Variants in LDLRAD3 observed in about 807,000 individuals in gnomAD.
The protein encoded by LDLRAD3 is low density lipoprotein receptor class A domain containing 3.
A neutral mutation model predicts 29.4 loss-of-function variants in LDLRAD3; 20 were observed. The ratio of observed to expected loss-of-function variants is 0.68; its 90% CI spans 0.48 to 0.99. The LOEUF (loss-of-function observed/expected upper bound fraction) is 0.99. Among genes scored for constraint, LDLRAD3 ranks in the 50% least tolerant of loss-of-function variants. The pLI is 0.00. For missense variants in LDLRAD3, 420 were observed against 454.3 expected, an observed-to-expected ratio of 0.92 and a Z score of 0.69; for synonymous variants, 157 against 192.7, an observed-to-expected ratio of 0.81 and a Z score of 1.53.
intron 2 of LDLRAD3, among the ~76,000 whole-genome samples, chr11:36,041,157 T>C (rs1217988417): frequency 1.3e-5 from 2 of 152,190 alleles, no homozygotes; most frequent in Non-Finnish European, 2.9e-5. Flanking sequence ...AAGATAATGT[T>C]TTACAAAAAC....
rs545753457 is a variant in LDLRAD3, at chr11:36,153,018, C to G, written c.454+54557C>G. ...GTTTGTGGATGAATACTCTGAGGTC[C>G]TGCTCACCTGGGTTCCACTCCTGAA... On this transcript the variant is annotated intron_variant, in intron 4 of 5. Coordinates refer to ENST00000315571, the MANE Select transcript of LDLRAD3 (RefSeq NM_174902.4). Among the ~76,000 whole-genome samples, 3 of 152,222 alleles carry G rather than the reference C, an allele frequency of 2.0e-5. No homozygotes were observed. In the East Asian group the frequency reaches 5.8e-4, roughly 29 times the overall value.
At chr11:36,110,938 A>G (rs1410339556) in intron 4 of LDLRAD3, among the ~76,000 whole-genome samples, 1 of 152,172 alleles carries the variant, frequency 6.6e-6, no homozygotes, top group Non-Finnish European at 1.5e-5. Flanking sequence ...GGACCTGAAA[A>G]CAAACGTGGG....
chr11:36,100,335 G>A (rs1397217121), intron 4 of LDLRAD3, among the ~76,000 whole-genome samples: 2 of 152,238 alleles, frequency 1.3e-5, no homozygotes, highest in Non-Finnish European at 2.9e-5. Context: ...ACATGCCAAT[G>A]TCTTGCCAGT....
chr11:36,025,030 T>C (rs761563919), intron 1 of LDLRAD3, among the ~76,000 whole-genome samples: 6 of 152,228 alleles, frequency 3.9e-5, no homozygotes, highest in Admixed American at 6.5e-5. Context: ...GCTTCTGCCC[T>C]GCAACTGTTG....
intron 2 of LDLRAD3, among the ~76,000 whole-genome samples, chr11:36,056,498 G>A (rs1269440392): frequency 2.0e-5 from 3 of 152,142 alleles, no homozygotes; most frequent in African/African-American, 4.8e-5. Context: ...AGACATTCTG[G>A]CTTGAGTTGA....
chr11:36,214,701 C>G (rs1855328628), intron 4 of LDLRAD3, among the ~76,000 whole-genome samples: 1 of 152,196 alleles, frequency 6.6e-6, no homozygotes, highest in African/African-American at 2.4e-5. Context: ...TCAGCTCAAT[C>G]ACTTCCTGGC....
intron 1 of LDLRAD3, among the ~76,000 whole-genome samples, chr11:35,990,086 A>G (rs773999430): frequency 2.0e-5 from 3 of 152,080 alleles, no homozygotes; most frequent in Non-Finnish European, 4.4e-5. Flanking sequence ...TTTTGACATT[A>G]TGTTGAGTCT....
At chr11:36,073,304 G>A (rs72638201) in intron 2 of LDLRAD3, among the ~76,000 whole-genome samples, 3,478 of 152,280 alleles carry the variant, frequency 0.023, 83 homozygotes, top group East Asian at 0.1. Flanking sequence ...GAAAGCTGCC[G>A]CTTTGAAAAG....
At chr11:36,195,823 C>G (rs537992564) in intron 4 of LDLRAD3, among the ~76,000 whole-genome samples, 1 of 152,228 alleles carries the variant, frequency 6.6e-6, no homozygotes, top group South Asian at 2.1e-4. Context: ...ACAGGAGAGC[C>G]AGAGACATGC....
chr11:36,035,684 G>T (rs889958284), intron 1 of LDLRAD3, among the ~76,000 whole-genome samples: 2 of 152,146 alleles, frequency 1.3e-5, no homozygotes, highest in Non-Finnish European at 2.9e-5. Context: ...GATTGTAAGG[G>T]CTACAGAGTG....
chr11:36,087,308 T>C (rs929863801), intron 3 of LDLRAD3, among the ~76,000 whole-genome samples: 1 of 152,242 alleles, frequency 6.6e-6, no homozygotes, highest in African/African-American at 2.4e-5. Flanking sequence ...AAGGCATTAT[T>C]ATTTATTTTT....
Position 36,007,379 on chromosome 11 carries a change from T to C in LDLRAD3, c.47-28724T>C, listed in dbSNP as rs543874471. 1.3e-3 allele frequency among the ~76,000 whole-genome samples: 194 copies of C among 152,320 alleles called. 1 individual carries two copies. Among genetic ancestry groups the C allele is most frequent in the South Asian group, 5.8e-3 (28 of 4,824 alleles). On this transcript the variant is annotated intron_variant, in intron 1 of 5. Coordinates refer to ENST00000315571, the MANE Select transcript of LDLRAD3 (RefSeq NM_174902.4). Reference sequence around the variant, plus strand: ...TGCAATTATATCTACTGGCCGGTATTGTAGGATTGAGTAACTGGAGAGACT... The same window carrying C: ...TGCAATTATATCTACTGGCCGGTATCGTAGGATTGAGTAACTGGAGAGACT...
At chr11:35,945,556 A>G (rs992965407) in intron 1 of LDLRAD3, among the ~76,000 whole-genome samples, 25 of 152,354 alleles carry the variant, frequency 1.6e-4, no homozygotes, top group African/African-American at 5.8e-4. Flanking sequence ...GACATTGGGC[A>G]GCCAGGAGCA....
chr11:36,014,431 A>G (rs1294978765), intron 1 of LDLRAD3, among the ~76,000 whole-genome samples: 1 of 152,204 alleles, frequency 6.6e-6, no homozygotes, highest in East Asian at 1.9e-4. Flanking sequence ...TGCCCAAGGA[A>G]TGGAAGCGGC....
chr11:36,047,667 A>G (rs1251531163), intron 2 of LDLRAD3, among the ~76,000 whole-genome samples: 1 of 152,208 alleles, frequency 6.6e-6, no homozygotes, highest in Non-Finnish European at 1.5e-5. Context: ...CAAAGTGAGA[A>G]GGACCTGGCT....
chr11:36,195,745 C>T (rs1484850576), intron 4 of LDLRAD3, among the ~76,000 whole-genome samples: 1 of 152,042 alleles, frequency 6.6e-6, no homozygotes, highest in Non-Finnish European at 1.5e-5. Context: ...TCTGTGGCTC[C>T]CCTCCTCAGT....
At chr11:36,086,953 C>T (rs1310947226) in intron 3 of LDLRAD3, among the ~76,000 whole-genome samples, 1 of 152,150 alleles carries the variant, frequency 6.6e-6, no homozygotes, top group Non-Finnish European at 1.5e-5. Context: ...ATACGCATCA[C>T]CATTATGAGA....
At chr11:36,108,961 G>C (rs1260304928) in intron 4 of LDLRAD3, among the ~76,000 whole-genome samples, 2 of 152,120 alleles carry the variant, frequency 1.3e-5, no homozygotes, top group African/African-American at 4.8e-5. Flanking sequence ...CAGGGTAAGG[G>C]GGGATTCTGA....
intron 1 of LDLRAD3, among the ~76,000 whole-genome samples, chr11:35,952,414 G>T (rs1851147559): frequency 6.6e-6 from 1 of 152,116 alleles, no homozygotes; most frequent in South Asian, 2.1e-4. Context: ...CCATTGGAGT[G>T]GGGGGCATCT....
Sources: allele counts gnomAD v4.1 joint callset (sites outside exome capture counted in the v4.1 genomes callset), GRCh38; gene constraint gnomAD v4.1.1; transcripts MANE v1.5; gene names NCBI Gene and HGNC (gene_info 2026-07-23, HGNC 2026-07-21).